The following LRP1B variants were observed in gnomAD, a reference collection of about 807,000 sequenced individuals.
LRP1B encodes the protein LDL receptor related protein 1B, also known as low-density lipoprotein receptor-related protein 1B.
A neutral mutation model predicts 556.6 loss-of-function variants in LRP1B; 217 were observed. That is an observed-to-expected ratio of 0.39 (90% CI 0.35 to 0.44). LRP1B has a LOEUF of 0.44. Among genes scored for constraint, LRP1B ranks in the 20% least tolerant of loss-of-function variants. The pLI is 1.00. For synonymous variants in LRP1B, 2,047 were observed against 1,865.8 expected (o/e 1.10, Z -2.50); for missense variants, 5,053 against 5,620.8 (o/e 0.90, Z 3.23).
intron 1 of LRP1B, among the ~76,000 whole-genome samples, chr2:141,862,313 A>G (rs1168581116): frequency 1.3e-5 from 2 of 152,220 alleles, no homozygotes; most frequent in Admixed American, 1.3e-4. Flanking sequence ...TTATTTATAC[A>G]TTAACTCTAC....
chr2:141,384,800 G>A (rs1466892338), intron 3 of LRP1B, among the ~76,000 whole-genome samples: 1 of 152,132 alleles, frequency 6.6e-6, no homozygotes, highest in East Asian at 1.9e-4. Context: ...TTTGCTTGAG[G>A]AAATTCACAG....
chr2:141,905,558 T>C (rs748732503), intron 1 of LRP1B, among the ~76,000 whole-genome samples: 9 of 151,292 alleles, frequency 5.9e-5, no homozygotes, highest in Non-Finnish European at 1.3e-4. Context: ...AACGGAGAAA[T>C]TGGAGATAAA....
intron 11 of LRP1B, among the ~76,000 whole-genome samples, chr2:141,022,156 T>A (rs1052973714): frequency 9.2e-5 from 14 of 151,792 alleles, no homozygotes; most frequent in African/African-American, 3.4e-4. Context: ...ATATAATGAT[T>A]ATTATTATTC....
At chr2:141,128,948 T>C (rs1701283992) in intron 7 of LRP1B, among the ~76,000 whole-genome samples, 1 of 152,122 alleles carries the variant, frequency 6.6e-6, no homozygotes, top group Admixed American at 6.6e-5. Flanking sequence ...ATTGCAAATA[T>C]TGAAACAAAA....
chr2:140,281,443 C>T (rs1322794834), intron 84 of LRP1B, among the ~76,000 whole-genome samples: 9 of 151,632 alleles, frequency 5.9e-5, no homozygotes, highest in Non-Finnish European at 1.3e-4. Flanking sequence ...ATCAGCTAAG[C>T]AGGGTATGAA....
At chr2:140,863,656 G>A (rs1692864093) in intron 27 of LRP1B, among the ~76,000 whole-genome samples, 1 of 152,112 alleles carries the variant, frequency 6.6e-6, no homozygotes. Context: ...ACCCCTCCAA[G>A]TTAGTAATTT....
At chr2:141,174,614 C>A (rs571762133) in intron 7 of LRP1B, among the ~76,000 whole-genome samples, 1 of 152,042 alleles carries the variant, frequency 6.6e-6, no homozygotes, top group Non-Finnish European at 1.5e-5. Flanking sequence ...TCTGTTAAGT[C>A]GGAGGAACTA....
At chr2:142,005,881 C>T (rs1157253696) in intron 1 of LRP1B, among the ~76,000 whole-genome samples, 3 of 145,128 alleles carry the variant, frequency 2.1e-5, no homozygotes, top group Non-Finnish European at 3.0e-5. Flanking sequence ...TCTTTATCCT[C>T]TCATGAAAAA....
intron 1 of LRP1B, among the ~76,000 whole-genome samples, chr2:142,066,424 C>T (rs945180034): frequency 6.6e-6 from 1 of 151,528 alleles, no homozygotes; most frequent in Non-Finnish European, 1.5e-5. Context: ...ATAAGTTCTG[C>T]TCTCCTCATA....
intron 31 of LRP1B, among the ~76,000 whole-genome samples, chr2:140,815,038 C>T (rs775302777): frequency 9.2e-5 from 14 of 151,842 alleles, no homozygotes; most frequent in African/African-American, 1.5e-4. Flanking sequence ...TAACTACTCA[C>T]GGAAAAGTAC....
intron 2 of LRP1B, among the ~76,000 whole-genome samples, chr2:141,682,544 G>A (rs1177519174): frequency 6.6e-6 from 1 of 152,070 alleles, no homozygotes; most frequent in Admixed American, 6.6e-5. Context: ...TGCTGAAAAA[G>A]TGGAAAACTT....
At chr2:140,637,832 A>T (rs929115951) in intron 41 of LRP1B, among the ~76,000 whole-genome samples, 66 of 152,228 alleles carry the variant, frequency 4.3e-4, no homozygotes, top group African/African-American at 1.6e-3. Context: ...AATTTAAGAA[A>T]TATCAATCAG....
chr2:140,867,128 A>G (rs1309947075), intron 27 of LRP1B, among the ~76,000 whole-genome samples: 2 of 152,066 alleles, frequency 1.3e-5, no homozygotes, highest in African/African-American at 4.8e-5. Context: ...CATTGAGTGG[A>G]GGAAACACAA....
At chr2:141,872,771 T>C (rs1307930422) in intron 1 of LRP1B, among the ~76,000 whole-genome samples, 1 of 151,998 alleles carries the variant, frequency 6.6e-6, no homozygotes, top group African/African-American at 2.4e-5. Flanking sequence ...TCATCTATCA[T>C]GTTGGTATCA....
At chr2:140,982,081 G>T in intron 18 of LRP1B, 79 bp downstream of exon 18, 1 of 1,089,114 alleles carries the variant, frequency 9.2e-7, no homozygotes, top group Non-Finnish European at 1.4e-6. Flanking sequence ...GAAATAAATA[G>T]CCCTTTAAGG....
intron 7 of LRP1B, among the ~76,000 whole-genome samples, chr2:141,069,235 T>G (rs1337383089): frequency 6.6e-6 from 1 of 152,002 alleles, no homozygotes; most frequent in African/African-American, 2.4e-5. Context: ...TTTTAGGCCT[T>G]TCTTTCAACT....
At position 141,316,564 on chromosome 2, in the gene LRP1B, A is replaced by G. The variant is rs77050051; in HGVS notation, c.344-61923T>C. 3.6e-3 allele frequency among the ~76,000 whole-genome samples: 543 copies of G among 152,302 alleles called. 2 individuals are homozygous for G. The highest frequency in any genetic ancestry group is 0.012 in the African/African-American group (511 of 41,568). ...GTAGGGAAACTACCTCTTAGGGGCA[A>G]TGATGACCAGTTTCTGTTTTATAAA... On this transcript the variant is annotated intron_variant, in intron 3 of 90. Transcript: ENST00000389484.
chr2:141,218,772 CA>C (rs1257692111), intron 6 of LRP1B, among the ~76,000 whole-genome samples: 1 of 152,072 alleles, frequency 6.6e-6, no homozygotes, highest in African/African-American at 2.4e-5. Flanking sequence ...CCTGAATCTA[CA>C]ATAAAAAAAC....
chr2:140,938,469 TG>T (rs1695295652), intron 20 of LRP1B, among the ~76,000 whole-genome samples: 2 of 152,084 alleles, frequency 1.3e-5, no homozygotes, highest in Non-Finnish European at 2.9e-5. Context: ...TAAGTAGAAA[TG>T]CCTTTCTTTT....
Sources: allele counts gnomAD v4.1 joint callset (sites outside exome capture counted in the v4.1 genomes callset), GRCh38; gene constraint gnomAD v4.1.1; transcripts MANE v1.5; gene names NCBI Gene and HGNC (gene_info 2026-07-23, HGNC 2026-07-21).